The following TXNDC11 variants were observed in gnomAD, a reference collection of about 807,000 sequenced individuals.
TXNDC11 encodes thioredoxin domain-containing protein 11.
Under a neutral mutation model 78.0 loss-of-function variants are expected in TXNDC11, and 68 were observed. The observed-to-expected ratio is 0.87, with a 90% CI of 0.72 to 1.07. The LOEUF is 1.07. Ranked by LOEUF, TXNDC11 falls within the 50% of genes least tolerant of loss-of-function variation. The pLI, the probability that TXNDC11 is intolerant of heterozygous loss-of-function variation, is 0.00. For synonymous variants in TXNDC11, 571 were observed against 495.2 expected (o/e 1.15, Z -2.03); for missense variants, 1,389 against 1,221.8 (o/e 1.14, Z -2.04).
At position 11,688,380 on chromosome 16, in the gene TXNDC11, A is replaced by G; in HGVS notation, c.1966T>C (p.Ser656Pro). ...AAATGCTGAGACGGGAACTGGGCAG[A>G]GCCACTTCCAATGAGATGCCTTTTC... Reference protein sequence around the residue: ...PLKRHLIGSGSAQFPSQHLIT... With the variant: ...PLKRHLIGSGPAQFPSQHLIT... Residue 656 changes from serine to proline, a missense_variant, in exon 9 of 12, where the codon TCT becomes CCT. By Grantham distance (74) the Ser-to-Pro change is moderately conservative (BLOSUM62 -1). Coordinates refer to ENST00000283033, the MANE Select transcript of TXNDC11 (RefSeq NM_015914.7). 2.5e-6 allele frequency: 4 copies of G among 1,614,006 alleles called. No homozygotes were observed. The highest frequency in any genetic ancestry group is 3.4e-6 in the Non-Finnish European group (4 of 1,179,836).
chr16:11,687,447 T>G (rs1306952112), intron 10 of TXNDC11, among the ~76,000 whole-genome samples: 1 of 152,188 alleles, frequency 6.6e-6, no homozygotes, highest in African/African-American at 2.4e-5. Flanking sequence ...AATGTGGATA[T>G]CTATTGGTCT....
intron 5 of TXNDC11, among the ~76,000 whole-genome samples, chr16:11,720,520 A>G (rs965373276): frequency 4.1e-5 from 6 of 147,518 alleles, no homozygotes; most frequent in African/African-American, 1.3e-4. Flanking sequence ...GGTTCAATCG[A>G]TTCTCCTGCC....
At chr16:11,687,333 C>T (rs1217220416) in intron 10 of TXNDC11, among the ~76,000 whole-genome samples, 1 of 151,948 alleles carries the variant, frequency 6.6e-6, no homozygotes, top group African/African-American at 2.4e-5. Context: ...CTTACTACCC[C>T]ATCTAAAGAC....
chr16:11,727,447 T>G (rs1460292083), intron 4 of TXNDC11, among the ~76,000 whole-genome samples: 1 of 152,204 alleles, frequency 6.6e-6, no homozygotes, highest in East Asian at 1.9e-4. Context: ...TCCATATTGA[T>G]AAAAAATATA....
intron 6 of TXNDC11, among the ~76,000 whole-genome samples, chr16:11,700,156 AAG>A (rs2050971444): frequency 6.6e-6 from 1 of 152,242 alleles, no homozygotes; most frequent in South Asian, 2.1e-4. Flanking sequence ...ACAATTCTTC[AAG>A]AGAGTAACTC....
chr16:11,733,842 CTTTT>C (rs1286998573), intron 3 of TXNDC11, 136 bp downstream of exon 3: 3 of 627,604 alleles, frequency 4.8e-6, no homozygotes, highest in Non-Finnish European at 5.4e-6. Flanking sequence ...CCAGATCTTT[CTTTT>C]TTAATTTTTG....
At chr16:11,730,613 A>G (rs2052016471) in intron 4 of TXNDC11, 32 bp downstream of exon 4, 1 of 1,607,694 alleles carries the variant, frequency 6.2e-7, no homozygotes. Flanking sequence ...AAAGGCCTTG[A>G]GTATGGAGGA....
intron 1 of TXNDC11, among the ~76,000 whole-genome samples, chr16:11,740,845 T>G (rs1004581181): frequency 3.9e-5 from 6 of 152,230 alleles, no homozygotes; most frequent in African/African-American, 1.4e-4. Context: ...ATTGTAAGAT[T>G]TAAATGACAC....
In TXNDC11 at chr16:11,687,890, C is replaced by T. The variant is rs372009950; in HGVS notation, c.2120G>A (p.Arg707Gln). The T allele has an allele frequency of 9.4e-5, 151 of 1,613,620 alleles. No individual in the cohort carries two copies. The Admixed American group carries it at 1.8e-3, about 20-fold the overall frequency. ...AGTGAATGTGTCCATGGGCAGGTTC[C>T]GAGCTAGCTGGATGAAGATGTGATT... ...SLNHIFIQLARNLPMDTFTVA... is the reference protein window; with the variant it reads ...SLNHIFIQLAQNLPMDTFTVA... Residue 707 changes from arginine (R) to glutamine (Q), a missense_variant, in exon 10 of 12, where the codon CGG becomes CAG. Arg to Gln is a conservative substitution (Grantham distance 43, BLOSUM62 1). Coordinates refer to ENST00000283033, the MANE Select transcript of TXNDC11 (RefSeq NM_015914.7).
Position 11,679,673 on chromosome 16 carries a change from A to G in TXNDC11, c.2399T>C (p.Ile800Thr). ...CTGGATCTCTCTCTCCAAGTGGGAG[A>G]TGTGCCCCCGCTGTAAGACTGCCTC... Reference protein sequence around the residue: ...QSEAVLQRGHISHLEREIQKL... With the variant: ...QSEAVLQRGHTSHLEREIQKL... The change falls in exon 12 of 12, where the codon ATC becomes ACC. Residue 800 changes from isoleucine to threonine, a missense_variant. Ile to Thr is a moderately conservative substitution (Grantham distance 89, BLOSUM62 -1). Coordinates refer to ENST00000283033, the MANE Select transcript of TXNDC11 (RefSeq NM_015914.7). The surrounding 1 kb of genome is among the most constrained non-coding windows in gnomAD (Gnocchi z 4.6). 1.9e-6 allele frequency: 3 copies of G among 1,614,074 alleles called. No homozygotes were observed. Among genetic ancestry groups the G allele is most frequent in the Non-Finnish European group, 1.7e-6 (2 of 1,180,018 alleles).
At chr16:11,683,521 G>A (rs773025238) in intron 11 of TXNDC11, among the ~76,000 whole-genome samples, 6 of 152,164 alleles carry the variant, frequency 3.9e-5, no homozygotes, top group African/African-American at 1.2e-4. Context: ...CAGATTCTCT[G>A]CTGTTTTGCC....
intron 5 of TXNDC11, among the ~76,000 whole-genome samples, chr16:11,717,688 G>A (rs1296498239): frequency 6.7e-6 from 1 of 150,334 alleles, no homozygotes; most frequent in Admixed American, 6.6e-5. Context: ...GGGCGTGGTG[G>A]CAGGCGCCTG....
In TXNDC11 at chr16:11,691,592, G is replaced by A. The variant is rs749466382; in HGVS notation, c.1598C>T (p.Ala533Val). ...ACATTTCTTCTCAAGGGAAGAAAATGCAACAGTAGGGGCTTCAAAGACACC... is the reference window on the plus strand; with the variant it reads ...ACATTTCTTCTCAAGGGAAGAAAATACAACAGTAGGGGCTTCAAAGACACC... ...EQGVFEAPTVAFSSLEKKCEV... is the reference protein window; with the variant it reads ...EQGVFEAPTVVFSSLEKKCEV... Residue 533 changes from alanine to valine, a missense_variant, in exon 8 of 12, where the codon GCA becomes GTA. Coordinates refer to ENST00000283033, the MANE Select transcript of TXNDC11 (RefSeq NM_015914.7). The A allele has an allele frequency of 1.9e-6, 3 of 1,614,072 alleles. No homozygotes were observed. Among genetic ancestry groups the A allele is most frequent in the Admixed American group, 3.3e-5 (2 of 60,000 alleles).
chr16:11,735,521 G>C (rs546656385), intron 2 of TXNDC11, among the ~76,000 whole-genome samples: 1 of 152,288 alleles, frequency 6.6e-6, no homozygotes, highest in African/African-American at 2.4e-5. Context: ...CCACTGGGCT[G>C]AAAACCACTG....
Position 11,679,524 on chromosome 16 carries a change from T to C in TXNDC11, c.2548A>G (p.Ser850Gly). ...QQQRALEEQHSLLHAHSEQLQ... is the reference protein window; with the variant it reads ...QQQRALEEQHGLLHAHSEQLQ... ...TGCTCACTGTGTGCGTGGAGCAGGC[T>C]GTGCTGCTCTTCCAGGGCCCGCTGC... is the stretch of plus-strand genomic sequence containing the variant. The change falls in exon 12 of 12, where the codon AGC (serine) becomes GGC (glycine). Residue 850 changes from serine (S) to glycine (G), a missense_variant. Coordinates refer to ENST00000283033, the MANE Select transcript of TXNDC11 (RefSeq NM_015914.7). This position sits in a 1 kb window ranked among gnomAD's most constrained non-coding sequence, Gnocchi z 4.6. 6.2e-7 allele frequency: 1 copy of C among 1,613,412 alleles called. No individual in the cohort carries two copies. The highest frequency in any genetic ancestry group is 8.5e-7 in the Non-Finnish European group (1 of 1,180,016).
At chr16:11,720,930 C>A (rs1028820482) in intron 5 of TXNDC11, among the ~76,000 whole-genome samples, 1 of 151,458 alleles carries the variant, frequency 6.6e-6, no homozygotes, top group Non-Finnish European at 1.5e-5. Context: ...CTTGTAGAGA[C>A]GGAGTTTTGC....
At chr16:11,689,575 A>T (rs1318443392) in intron 8 of TXNDC11, among the ~76,000 whole-genome samples, 1 of 152,256 alleles carries the variant, frequency 6.6e-6, no homozygotes, top group Non-Finnish European at 1.5e-5. Flanking sequence ...CAGGACAAAG[A>T]ACAGCTAGGC....
At chr16:11,707,368 C>T (rs953048728) in intron 5 of TXNDC11, among the ~76,000 whole-genome samples, 1 of 151,526 alleles carries the variant, frequency 6.6e-6, no homozygotes, top group Non-Finnish European at 1.5e-5. Context: ...AAAAAAACTC[C>T]ATGATTTTTA....
At chr16:11,702,013 G>C (rs1247944527) in intron 5 of TXNDC11, among the ~76,000 whole-genome samples, 1 of 146,584 alleles carries the variant, frequency 6.8e-6, no homozygotes, top group Non-Finnish European at 1.5e-5. Context: ...GTAGACTTTT[G>C]ATGTTAACAA....
Sources: allele counts gnomAD v4.1 joint callset (sites outside exome capture counted in the v4.1 genomes callset), GRCh38; gene constraint gnomAD v4.1.1; non-coding constraint Gnocchi (gnomAD v3.1); transcripts MANE v1.5; gene names NCBI Gene and HGNC (gene_info 2026-07-23, HGNC 2026-07-21).